CLEC19A: variants seen among roughly 807,000 people sequenced by gnomAD.
The protein encoded by CLEC19A is C-type lectin domain containing 19A, also known as C-type lectin domain family 19 member A.
CLEC19A carries 21 observed loss-of-function variants against 26.1 expected under a neutral mutation model. The observed-to-expected ratio is 0.80, with a 90% CI of 0.57 to 1.16. The LOEUF is 1.16. CLEC19A is among the 50% of genes most tolerant of loss of function. The pLI, the probability that CLEC19A is intolerant of heterozygous loss-of-function variation, is 0.00. For missense variants in CLEC19A, 224 were observed against 227.6 expected (o/e 0.98, Z 0.10); for synonymous variants, 89 against 88.6 (o/e 1.00, Z -0.03).
chr16:19,295,189 G>T (rs1897680518), intron 1 of CLEC19A, among the ~76,000 whole-genome samples: 1 of 151,964 alleles, frequency 6.6e-6, no homozygotes, highest in African/African-American at 2.4e-5. Flanking sequence ...CAGGATGTGG[G>T]ACTCTCAGGG....
At chr16:19,287,181 A>G (rs1404524426) in intron 1 of CLEC19A, among the ~76,000 whole-genome samples, 2 of 152,114 alleles carry the variant, frequency 1.3e-5, no homozygotes, top group Non-Finnish European at 2.9e-5. Flanking sequence ...TTAAGCAACA[A>G]ACATTTATTT....
chr16:19,298,243 C>CAA (rs377007663), intron 1 of CLEC19A, among the ~76,000 whole-genome samples: 9,081 of 127,348 alleles, frequency 0.071, 456 homozygotes, highest in East Asian at 0.27. Flanking sequence ...AACTCAATCT[C>CAA]AAAAAAAAAA....
At chr16:19,292,093 C>T (rs1009512846) in intron 1 of CLEC19A, among the ~76,000 whole-genome samples, 2 of 152,168 alleles carry the variant, frequency 1.3e-5, no homozygotes, top group African/African-American at 4.8e-5. Context: ...CTCCACTCAG[C>T]CCCTTTCATT....
intron 1 of CLEC19A, among the ~76,000 whole-genome samples, chr16:19,291,201 C>T (rs1024455478): frequency 7.9e-5 from 12 of 152,126 alleles, no homozygotes; most frequent in African/African-American, 1.2e-4. Flanking sequence ...GGTCAGAAGG[C>T]GCATCTGTGT....
intron 1 of CLEC19A, among the ~76,000 whole-genome samples, chr16:19,296,380 T>C (rs912403793): frequency 5.2e-5 from 7 of 135,610 alleles, no homozygotes; most frequent in African/African-American, 2.1e-4. Flanking sequence ...TTTGGGAAAT[T>C]CACTGGATCC....
intron 3 of CLEC19A, among the ~76,000 whole-genome samples, chr16:19,306,087 C>A (rs1597089499): frequency 6.6e-6 from 1 of 152,108 alleles, no homozygotes; most frequent in South Asian, 2.1e-4. Context: ...TCGTGATCCG[C>A]CCGCCTCAGC....
chr16:19,293,464 T>C (rs1462057050), intron 1 of CLEC19A, among the ~76,000 whole-genome samples: 3 of 25,162 alleles, frequency 1.2e-4, no homozygotes, highest in Admixed American at 4.3e-4. Flanking sequence ...TTTTTTTAAT[T>C]TTTTTTTTTT....
At chr16:19,299,307 A>G (rs1381819998) in intron 2 of CLEC19A, among the ~76,000 whole-genome samples, 2 of 152,252 alleles carry the variant, frequency 1.3e-5, no homozygotes, top group Non-Finnish European at 2.9e-5. Flanking sequence ...TGCACGTTTC[A>G]TGTACATCAT....
chr16:19,286,071 C>A, intron 1 of CLEC19A, 132 bp downstream of exon 1: 1 of 823,234 alleles, frequency 1.2e-6, no homozygotes, highest in East Asian at 2.7e-5. Flanking sequence ...ACAGCTTTCC[C>A]CCTACCAGCT....
chr16:19,303,997 T>C (rs980414070), intron 2 of CLEC19A, 65 bp from the exon 3 acceptor site: 36 of 1,354,974 alleles, frequency 2.7e-5, no homozygotes, highest in Admixed American at 2.1e-5. Context: ...TTGCTTTCAA[T>C]TTTTGACTCC....
chr16:19,290,726 C>T lies in CLEC19A; in HGVS notation c.88+4787C>T, dbSNP rs369835092. Among the ~76,000 whole-genome samples the T allele has an allele frequency of 7.2e-5, 11 of 152,370 alleles. 1 individual carries two copies. The highest frequency in any genetic ancestry group is 2.6e-4 in the African/African-American group (11 of 41,582). The stretch of plus-strand genomic sequence containing the variant: ...TCAACTAGGGAGAGAAAGGGGCAAA[C>T]AGCCAGTTTCTAAAATAATCGAGGG... On this transcript the variant is annotated intron_variant, in intron 1 of 4. Transcript: ENST00000636231.
At position 19,310,633 on chromosome 16, in the gene CLEC19A, A is replaced by G. The variant is rs1393394311; in HGVS notation, c.*1550A>G. The G allele has an allele frequency of 1.3e-5, 2 of 152,238 alleles. No homozygotes were observed. Among genetic ancestry groups the G allele is most frequent in the African/African-American group, 2.4e-5 (1 of 41,468 alleles). The allele number at this position is 152,238 out of a possible 1,614,324, so 9.4% of individuals were successfully genotyped here. A position where few individuals can be genotyped will look rare whatever the true frequency, so the allele number is the denominator to read the frequency against. On this transcript the variant is annotated 3_prime_UTR_variant, in exon 5 of 5. Transcript: ENST00000636231. ...AAGCATAAAAAGGAATGAAGTAACG[A>G]TAGATACTACAACCTGAATGAACCT...
rs1395141642 is a variant in CLEC19A at position 19,309,545 on chromosome 16, AT to A, written c.*464del. 6.4e-6 allele frequency: 1 copy of A among 155,388 alleles called. No individual in the cohort carries two copies. Among genetic ancestry groups the A allele is most frequent in the African/African-American group, 2.4e-5 (1 of 41,430 alleles). The allele number at this position is 155,388 out of a possible 1,614,324, so 9.6% of individuals were successfully genotyped here. A position where few individuals can be genotyped will look rare whatever the true frequency, so the allele number is the denominator to read the frequency against. On this transcript the variant is annotated 3_prime_UTR_variant, in exon 5 of 5. Coordinates refer to ENST00000636231, the MANE Select transcript of CLEC19A (RefSeq NM_001256720.2). ...AAGCATACAAACTTTTGGAAATAAG[AT>A]TAATAAGTTTGGGAGGCTTAATGTA...
At chr16:19,288,727 C>T (rs1897522384) in intron 1 of CLEC19A, among the ~76,000 whole-genome samples, 2 of 152,128 alleles carry the variant, frequency 1.3e-5, no homozygotes, top group East Asian at 1.9e-4. Flanking sequence ...GTAAGAGCTA[C>T]GTAAACATTT....
Position 19,285,846 on chromosome 16 carries a change from C to T in CLEC19A, c.-6C>T, listed in dbSNP as rs1281226268. ...AGGCTGGGAGGTTGCTTTCTAGGAG[C>T]TCAGGATGCAAAGGTGGACACTGTG... On this transcript the variant is annotated 5_prime_UTR_variant, in exon 1 of 5. Transcript: ENST00000636231. 1 of 1,550,284 alleles carries T rather than the reference C, an allele frequency of 6.5e-7. No homozygotes were observed.
chr16:19,294,558 C>T (rs1006478073), intron 1 of CLEC19A, among the ~76,000 whole-genome samples: 1 of 152,156 alleles, frequency 6.6e-6, no homozygotes, highest in Non-Finnish European at 1.5e-5. Flanking sequence ...GGAAAAACAT[C>T]CTCCTACAGT....
At chr16:19,303,996 ATT>A in intron 2 of CLEC19A, 64 bp from the exon 3 acceptor site, 1 of 1,354,158 alleles carries the variant, frequency 7.4e-7, no homozygotes, top group Non-Finnish European at 1.0e-6. Flanking sequence ...ATTGCTTTCA[ATT>A]TTTGACTCCA....
chr16:19,286,962 T>C (rs2143008188), intron 1 of CLEC19A, among the ~76,000 whole-genome samples: 1 of 152,118 alleles, frequency 6.6e-6, no homozygotes, highest in South Asian at 2.1e-4. Flanking sequence ...ACATGGGACG[T>C]ATTTATACTA....
chr16:19,299,411 T>C lies in CLEC19A; in HGVS notation c.254+573T>C, dbSNP rs534626821. 2.0e-5 allele frequency among the ~76,000 whole-genome samples: 3 copies of C among 152,302 alleles called. No homozygotes were observed. In the East Asian group the frequency reaches 5.8e-4, roughly 29 times the overall value. ...TGAAAAGGTAAGTAACTTGCTCACATGACACCACTCTTAAGTGGGAGAAAC... is the reference window on the plus strand; with the variant it reads ...TGAAAAGGTAAGTAACTTGCTCACACGACACCACTCTTAAGTGGGAGAAAC... On this transcript the variant is annotated intron_variant, in intron 2 of 4. Coordinates refer to ENST00000636231, the MANE Select transcript of CLEC19A (RefSeq NM_001256720.2).
Sources: allele counts gnomAD v4.1 joint callset (sites outside exome capture counted in the v4.1 genomes callset), GRCh38; gene constraint gnomAD v4.1.1; transcripts MANE v1.5; gene names NCBI Gene and HGNC (gene_info 2026-07-23, HGNC 2026-07-21).